Variants in CCDC178 observed in about 807,000 individuals in gnomAD.
The protein encoded by CCDC178 is coiled-coil domain containing 178, also known as coiled-coil domain-containing protein 178.
A neutral mutation model predicts 117.4 loss-of-function variants in CCDC178; 126 were observed. The observed-to-expected ratio is 1.07, with a 90% confidence interval of 0.93 to 1.24. The LOEUF (loss-of-function observed/expected upper bound fraction) is 1.24, where lower values mean the gene tolerates loss of function less well. Ranked by LOEUF, CCDC178 falls within the 50% of genes most tolerant of loss-of-function variation. CCDC178 has a pLI of 0.00. For missense variants in CCDC178, 1,030 were observed against 986.9 expected (o/e 1.04, Z -0.59); for synonymous variants, 283 against 313.4 (o/e 0.90, Z 1.02).
chr18:33,070,539 A>G (rs1331858445), intron 21 of CCDC178, among the ~76,000 whole-genome samples: 2 of 152,014 alleles, frequency 1.3e-5, no homozygotes, highest in Non-Finnish European at 2.9e-5. Context: ...AGGGTTACAG[A>G]GGTTGCTTAA....
At chr18:33,222,265 C>T (rs982114972) in intron 18 of CCDC178, among the ~76,000 whole-genome samples, 1 of 146,800 alleles carries the variant, frequency 6.8e-6, no homozygotes, top group South Asian at 2.2e-4. Flanking sequence ...CCTTTCCTGC[C>T]TCCTTCCTTC....
chr18:33,348,613 A>G lies in CCDC178; in HGVS notation c.457+277T>C, dbSNP rs59639400. 2.0e-5 allele frequency among the ~76,000 whole-genome samples: 3 copies of G among 152,036 alleles called. No homozygotes were observed. In the East Asian group the frequency reaches 5.8e-4, roughly 29 times the overall value. On this transcript the variant is annotated intron_variant, in intron 8 of 22. Transcript: ENST00000383096. ...AATACTGATTATCACAGAAAGTTCT[A>G]TTGGGCAACACTAAACTACAAATAG...
At chr18:33,167,941 G>T (rs1002191340) in intron 20 of CCDC178, among the ~76,000 whole-genome samples, 4 of 151,816 alleles carry the variant, frequency 2.6e-5, no homozygotes, top group Admixed American at 6.6e-5. Context: ...CATTTAATGG[G>T]TATTTTTTTC....
rs1176658578 is a variant in CCDC178, at chr18:33,277,914, C to T, written c.1177-10617G>A. Among the ~76,000 whole-genome samples the T allele has an allele frequency of 2.6e-5, 4 of 152,098 alleles. No homozygotes were observed. In the East Asian group the frequency reaches 7.7e-4, roughly 29 times the overall value. ...CTGCCCATGTAACCTTGCATATTTA[C>T]AAGCATGACATGAAAGGCACAAATT... On this transcript the variant is annotated intron_variant, in intron 12 of 22. Transcript: ENST00000383096.
intron 16 of CCDC178, 69 bp from the exon 17 acceptor site, chr18:33,225,005 T>A: frequency 8.9e-7 from 1 of 1,119,526 alleles, no homozygotes; most frequent in Non-Finnish European, 1.2e-6. Flanking sequence ...TCTTATTCAG[T>A]GACAGGCAGT....
intron 2 of CCDC178, among the ~76,000 whole-genome samples, chr18:33,431,068 AC>A (rs2064211042): frequency 7.0e-6 from 1 of 143,484 alleles, no homozygotes; most frequent in Non-Finnish European, 1.5e-5. Flanking sequence ...GTGCGAGACT[AC>A]GTCTCAAAAA....
intron 9 of CCDC178, among the ~76,000 whole-genome samples, chr18:33,341,319 T>G (rs1358967325): frequency 6.6e-6 from 1 of 152,216 alleles, no homozygotes; most frequent in African/African-American, 2.4e-5. Flanking sequence ...TAGCTTGCTT[T>G]TGATTTTACA....
At chr18:33,239,883 T>C (rs1461036749) in intron 15 of CCDC178, among the ~76,000 whole-genome samples, 1 of 151,952 alleles carries the variant, frequency 6.6e-6, no homozygotes, top group Non-Finnish European at 1.5e-5. Flanking sequence ...AGAGAATGTT[T>C]AGAGCTATTT....
At chr18:33,205,835 T>C (rs1463704288) in intron 20 of CCDC178, among the ~76,000 whole-genome samples, 1 of 152,154 alleles carries the variant, frequency 6.6e-6, no homozygotes, top group Non-Finnish European at 1.5e-5. Context: ...GCTGGGACTA[T>C]AGGCCCATGC....
At chr18:33,350,800 GCTGAGTGATAGGT>G (rs2062965532) in intron 7 of CCDC178, among the ~76,000 whole-genome samples, 1 of 151,972 alleles carries the variant, frequency 6.6e-6, no homozygotes, top group South Asian at 2.1e-4. Context: ...CAGTCAAATT[GCTGAGTGATAGGT>G]AATTCTAGGT....
intron 15 of CCDC178, 47 bp downstream of exon 15, chr18:33,245,198 T>C: frequency 7.0e-7 from 1 of 1,426,560 alleles, no homozygotes. Flanking sequence ...TTCAGGTAAA[T>C]TACTCTTTTT....
chr18:33,117,885 T>C (rs1390169078), intron 20 of CCDC178, among the ~76,000 whole-genome samples: 11 of 152,040 alleles, frequency 7.2e-5, no homozygotes, highest in African/African-American at 1.2e-4. Flanking sequence ...TAGTTTTCCA[T>C]TGACATTTAT....
chr18:33,333,421 G>C, intron 9 of CCDC178, 27 bp from the exon 10 acceptor site: 1 of 1,113,746 alleles, frequency 9.0e-7, no homozygotes, highest in Non-Finnish European at 1.2e-6. Context: ...AAGAACAAAA[G>C]AAAATCTGAT....
intron 21 of CCDC178, among the ~76,000 whole-genome samples, chr18:33,037,645 A>G (rs1445112207): frequency 1.3e-5 from 2 of 151,910 alleles, no homozygotes; most frequent in Non-Finnish European, 2.9e-5. Context: ...AAAGTTTATG[A>G]ATATATGTAA....
At chr18:32,992,892 ACCGTTGC>A (rs1029721097) in intron 21 of CCDC178, among the ~76,000 whole-genome samples, 2 of 152,142 alleles carry the variant, frequency 1.3e-5, no homozygotes, top group Non-Finnish European at 2.9e-5. Context: ...GGGGCCAGGC[ACCGTTGC>A]TCACACCTGT....
chr18:33,289,451 T>C (rs950362760), intron 12 of CCDC178, among the ~76,000 whole-genome samples: 1 of 151,824 alleles, frequency 6.6e-6, no homozygotes, highest in African/African-American at 2.4e-5. Flanking sequence ...CCATCTCTAC[T>C]AAAAATACAA....
intron 12 of CCDC178, among the ~76,000 whole-genome samples, chr18:33,282,795 C>T (rs976590830): frequency 1.3e-5 from 2 of 152,252 alleles, no homozygotes; most frequent in East Asian, 1.9e-4. Flanking sequence ...CAGAGAACCT[C>T]GGAGGGCCCA....
chr18:33,144,989 T>C (rs2058251348), intron 20 of CCDC178, among the ~76,000 whole-genome samples: 1 of 152,320 alleles, frequency 6.6e-6, no homozygotes, highest in Non-Finnish European at 1.5e-5. Flanking sequence ...TTTAAAATAA[T>C]GCATACGCAT....
intron 22 of CCDC178, 76 bp downstream of exon 22, chr18:32,974,471 G>A (rs2054991288): frequency 1.3e-5 from 17 of 1,347,860 alleles, no homozygotes; most frequent in Middle Eastern, 3.9e-4. Flanking sequence ...TGGTTTTAAT[G>A]CTTCATCACA....
Sources: allele counts gnomAD v4.1 joint callset (sites outside exome capture counted in the v4.1 genomes callset), GRCh38; gene constraint gnomAD v4.1.1; transcripts MANE v1.5; gene names NCBI Gene and HGNC (gene_info 2026-07-23, HGNC 2026-07-21).